Variants in LAIR2 observed in about 807,000 individuals in gnomAD.
LAIR2 encodes the protein leukocyte-associated immunoglobulin-like receptor 2.
Under a neutral mutation model 14.8 loss-of-function variants are expected in LAIR2, and 14 were observed. The ratio of observed to expected loss-of-function variants is 0.95; its 90% confidence interval spans 0.62 to 1.48. The LOEUF is 1.48. Ranked by LOEUF, LAIR2 falls within the 40% of genes most tolerant of loss-of-function variation. The probability of loss-of-function intolerance (pLI) is 0.00; values close to 1 mark genes in which losing one functional copy is unlikely to be tolerated. For missense variants in LAIR2, 172 were observed against 180.9 expected, an observed-to-expected ratio of 0.95 and a Z score of 0.28; for synonymous variants, 75 against 74.5, an observed-to-expected ratio of 1.01 and a Z score of -0.03.
rs751577105 is a variant in LAIR2, at chr19:54,502,947, G to A, written c.29G>A (p.Gly10Asp). 7 of 1,613,768 alleles carry A rather than the reference G, an allele frequency of 4.3e-6. No homozygotes were observed. Among genetic ancestry groups the A allele is most frequent in the Non-Finnish European group, 5.9e-6 (7 of 1,179,836 alleles). The change falls in exon 1 of 5, where the codon GGC becomes GAC. Residue 10 changes from glycine (G) to aspartate (D), a missense_variant. By Grantham distance (94) the Gly-to-Asp change is moderately conservative. Around this residue, in one of 2 missense-constraint regions of LAIR2, gnomAD observed 161 missense variants for 149.0 expected, o/e 1.08. Coordinates refer to ENST00000301202, the MANE Select transcript of LAIR2 (RefSeq NM_002288.6). Reference protein sequence around the residue: MSPHLTALLGLVLCLAQTIH... With the variant: MSPHLTALLDLVLCLAQTIH... ...TCTCCACACCTCACTGCTCTCCTGGGCCTAGGTGAGTCCTGGAGGGAGCGG... is the reference window on the plus strand; with the variant it reads ...TCTCCACACCTCACTGCTCTCCTGGACCTAGGTGAGTCCTGGAGGGAGCGG...
chr19:54,503,286 C>G lies in LAIR2; in HGVS notation c.34+334C>G, dbSNP rs75571884. On this transcript the variant is annotated intron_variant, in intron 1 of 4. Coordinates refer to ENST00000301202, the MANE Select transcript of LAIR2 (RefSeq NM_002288.6). ...GACCAGCCTGGCCAACGTGGTGAAA[C>G]TCCATCTCTACTAATACAAAAATTA... 0.027 allele frequency among the ~76,000 whole-genome samples: 4,147 copies of G among 152,116 alleles called. 340 individuals are homozygous for G. The East Asian group carries it at 0.3, about 11-fold the overall frequency.
chr19:54,510,218 C>A (rs1201611321), intron 4 of LAIR2, among the ~76,000 whole-genome samples: 1 of 144,266 alleles, frequency 6.9e-6, no homozygotes, highest in Non-Finnish European at 1.5e-5. Flanking sequence ...CTTCTCTCTT[C>A]TCTCACCTTC....
intron 2 of LAIR2, among the ~76,000 whole-genome samples, chr19:54,506,076 C>T (rs1273479900): frequency 1.3e-5 from 2 of 152,080 alleles, no homozygotes; most frequent in Admixed American, 6.6e-5. Flanking sequence ...CCGCCCACCT[C>T]GGCCTCCCAA....
intron 1 of LAIR2, 118 bp downstream of exon 1, chr19:54,503,070 C>A (rs2085304263): frequency 6.4e-6 from 6 of 935,038 alleles, no homozygotes; most frequent in African/African-American, 1.6e-5. Context: ...CTCCTCCCCC[C>A]AAGACTGCCC....
Position 54,505,460 on chromosome 19 carries a change from C to G in LAIR2, c.70+1725C>G, listed in dbSNP as rs537890306. The stretch of plus-strand genomic sequence containing the variant: ...GACAGCCCTTCTCCCCTCCGTGGCT[C>G]CCCGAGGCCGGCCTCAGCCTGTCCA... On this transcript the variant is annotated intron_variant, in intron 2 of 4. Transcript: ENST00000301202. Among the ~76,000 whole-genome samples, 172 of 152,208 alleles carry G rather than the reference C, an allele frequency of 1.1e-3. 2 individuals are homozygous for G. Among genetic ancestry groups the G allele is most frequent in the African/African-American group, 3.9e-3 (161 of 41,520 alleles).
chr19:54,506,177 T>C (rs1276748247), intron 2 of LAIR2, among the ~76,000 whole-genome samples: 2 of 152,132 alleles, frequency 1.3e-5, no homozygotes, highest in Non-Finnish European at 2.9e-5. Context: ...GAAAATTGCA[T>C]GTATTTGTCA....
chr19:54,504,028 G>A (rs1408865113), intron 2 of LAIR2, among the ~76,000 whole-genome samples: 3 of 151,808 alleles, frequency 2.0e-5, no homozygotes, highest in Non-Finnish European at 4.4e-5. Flanking sequence ...CATAATCTCG[G>A]CTCACTGCAA....
At position 54,507,787 on chromosome 19, in the gene LAIR2, T is replaced by C. The variant is rs1344238019; in HGVS notation, c.71-104T>C. 2.5e-5 allele frequency: 28 copies of C among 1,137,926 alleles called. No individual in the cohort carries two copies. The East Asian group carries it at 6.1e-4, about 25-fold the overall frequency. The allele number at this position is 1,137,926 out of a possible 1,614,324, so 70.5% of individuals were successfully genotyped here. A position where few individuals can be genotyped will look rare whatever the true frequency, so the allele number is the denominator to read the frequency against. Reference sequence around the variant, plus strand: ...TGGGCTGTGGTCGTGGCTGCATAACTCTATAAAATTGCTAAAATCCCTGAA... The same window carrying C: ...TGGGCTGTGGTCGTGGCTGCATAACCCTATAAAATTGCTAAAATCCCTGAA... On this transcript the variant is annotated intron_variant, in intron 2 of 4. Coordinates refer to ENST00000301202, the MANE Select transcript of LAIR2 (RefSeq NM_002288.6).
rs767497803 is a variant in LAIR2 at position 54,503,693 on chromosome 19, C to T, written c.35-7C>T. On this transcript the variant is annotated splice_polypyrimidine_tract_variant and splice_region_variant and intron_variant, in intron 1 of 4. Transcript: ENST00000301202. ...GGGCATTTTTCTCACTGGGGCTTCT[C>T]TTCCAGTGCTCTGCCTGGCCCAGAC... 3 of 1,613,860 alleles carry T rather than the reference C, an allele frequency of 1.9e-6. No individual in the cohort carries two copies. Among genetic ancestry groups the T allele is most frequent in the South Asian group, 1.1e-5 (1 of 91,076 alleles).
At chr19:54,504,835 C>T (rs2085335177) in intron 2 of LAIR2, among the ~76,000 whole-genome samples, 1 of 152,156 alleles carries the variant, frequency 6.6e-6, no homozygotes, top group Non-Finnish European at 1.5e-5. Flanking sequence ...GTCTTGAACT[C>T]CTGACCTCAG....
In LAIR2 at chr19:54,502,854, C is replaced by T; in HGVS notation, c.-65C>T. The T allele has an allele frequency of 1.2e-6, 2 of 1,603,242 alleles. No homozygotes were observed. The highest frequency in any genetic ancestry group is 1.7e-6 in the Non-Finnish European group (2 of 1,170,082). The stretch of plus-strand genomic sequence containing the variant: ...GCAGTTGCTGTGGAAGCCCCACGGG[C>T]AGGAGGCCCCCGGCCAGCACATCCT... On this transcript the variant is annotated 5_prime_UTR_variant, in exon 1 of 5. Coordinates refer to ENST00000301202, the MANE Select transcript of LAIR2 (RefSeq NM_002288.6).
At chr19:54,504,678 C>G (rs190582556) in intron 2 of LAIR2, among the ~76,000 whole-genome samples, 1 of 152,076 alleles carries the variant, frequency 6.6e-6, no homozygotes, top group African/African-American at 2.4e-5. Flanking sequence ...GGCACAATCT[C>G]GGTTCACCGC....
chr19:54,510,317 C>T (rs12985330), intron 4 of LAIR2, among the ~76,000 whole-genome samples: 26 of 151,068 alleles, frequency 1.7e-4, no homozygotes, highest in South Asian at 1.7e-3. Flanking sequence ...TTCTGCCACC[C>T]CCTGGCTCTA....
chr19:54,503,049 A>T (rs1169124009), intron 1 of LAIR2, 97 bp downstream of exon 1: 7 of 1,205,008 alleles, frequency 5.8e-6, no homozygotes, highest in African/African-American at 3.0e-5. Context: ...GATTCTGGGG[A>T]GGAAAGTGTC....
At chr19:54,510,253 A>G (rs2085445970) in intron 4 of LAIR2, among the ~76,000 whole-genome samples, 1 of 144,366 alleles carries the variant, frequency 6.9e-6, no homozygotes, top group South Asian at 2.1e-4. Context: ...AAAGGTCACG[A>G]GGGCAGACCC....
chr19:54,507,926 G>C lies in LAIR2; in HGVS notation c.106G>C (p.Gly36Arg). Residue 36 changes from glycine (G) to arginine (R), a missense_variant, in exon 3 of 5, where the codon GGC becomes CGC. Around this residue, in one of 2 missense-constraint regions of LAIR2, gnomAD observed 161 missense variants for 149.0 expected, o/e 1.08. Transcript: ENST00000301202. ...CAGACCCTCCATCTCGGCTGAGCCA[G>C]GCACTGTGATCTCCCCGGGGAGCCA... ...LPRPSISAEP[G>R]TVISPGSHVT... 6.2e-7 allele frequency: 1 copy of C among 1,614,170 alleles called. No individual in the cohort carries two copies. Among genetic ancestry groups the C allele is most frequent in the East Asian group, 2.2e-5 (1 of 44,870 alleles).
At chr19:54,505,571 T>C (rs533853572) in intron 2 of LAIR2, among the ~76,000 whole-genome samples, 1 of 152,300 alleles carries the variant, frequency 6.6e-6, no homozygotes, top group South Asian at 2.1e-4. Context: ...TCCACAGTTT[T>C]TAAATTGCAT....
intron 2 of LAIR2, among the ~76,000 whole-genome samples, chr19:54,507,342 G>A (rs1240388938): frequency 1.3e-5 from 2 of 151,230 alleles, no homozygotes; most frequent in African/African-American, 4.8e-5. Flanking sequence ...GTCACGGGCT[G>A]GGCATCTGCT....
In LAIR2 at chr19:54,502,912, C is replaced by T. The variant is rs375967140; in HGVS notation, c.-7C>T. 1.7e-5 allele frequency: 27 copies of T among 1,613,938 alleles called. No homozygotes were observed. The highest frequency in any genetic ancestry group is 2.0e-5 in the Non-Finnish European group (24 of 1,179,970). Reference sequence around the variant, plus strand: ...TGTGTCTGCTGCAGAGTTCTGGGACCGGGGCCATGTCTCCACACCTCACTG... The same window carrying T: ...TGTGTCTGCTGCAGAGTTCTGGGACTGGGGCCATGTCTCCACACCTCACTG... On this transcript the variant is annotated 5_prime_UTR_variant, in exon 1 of 5. Transcript: ENST00000301202.
Sources: allele counts gnomAD v4.1 joint callset (sites outside exome capture counted in the v4.1 genomes callset), GRCh38; gene constraint gnomAD v4.1.1; regional missense constraint gnomAD v4.1.1; transcripts MANE v1.5; gene names NCBI Gene and HGNC (gene_info 2026-07-23, HGNC 2026-07-21).